The following RARB variants were observed in gnomAD, a reference collection of about 807,000 sequenced individuals.
RARB encodes the protein HBV-activated protein.
In RARB, 17 loss-of-function variants were observed where a neutral mutation model predicts 51.9. The ratio of observed to expected loss-of-function variants is 0.33; its 90% CI spans 0.22 to 0.49. The LOEUF is 0.49. Among genes scored for constraint, RARB ranks in the 20% least tolerant of loss-of-function variants. RARB has a pLI of 0.99. For missense variants in RARB, 369 were observed against 550.8 expected (o/e 0.67, Z 3.30); for synonymous variants, 215 against 195.4 (o/e 1.10, Z -0.84).
chr3:25,199,691 C>T (rs931362352), intron 5 of RARB, among the ~76,000 whole-genome samples: 1 of 152,044 alleles, frequency 6.6e-6, no homozygotes, highest in African/African-American at 2.4e-5. Context: ...TGAGAACATG[C>T]AGTGTTTGGT....
In RARB at chr3:24,931,840, A is replaced by G. The variant is rs530980869; in HGVS notation, c.-380+73088A>G. Among the ~76,000 whole-genome samples, 10 of 152,202 alleles carry G rather than the reference A, an allele frequency of 6.6e-5. No homozygotes were observed. The South Asian group carries it at 1.2e-3, about 19-fold the overall frequency. Reference sequence around the variant, plus strand: ...GGGCTCAACAAGATTTTGTAGAATGAGAGTTAGGTAGTTATTTGTGTTCAC... The same window carrying G: ...GGGCTCAACAAGATTTTGTAGAATGGGAGTTAGGTAGTTATTTGTGTTCAC... On this transcript the variant is annotated intron_variant, in intron 2 of 11. Transcript: ENST00000383772.
intron 2 of RARB, among the ~76,000 whole-genome samples, chr3:25,048,713 A>T (rs1698265429): frequency 6.6e-6 from 1 of 151,692 alleles, no homozygotes; most frequent in Non-Finnish European, 1.5e-5. Flanking sequence ...TTAGGGGATT[A>T]AAAACGGCAT....
intron 1 of RARB, among the ~76,000 whole-genome samples, chr3:25,451,187 T>C (rs1023177985): frequency 1.3e-5 from 2 of 152,166 alleles, no homozygotes; most frequent in African/African-American, 4.8e-5. Context: ...GAGGTGAAGG[T>C]TGGCTATCAT....
chr3:25,363,176 A>G (rs149998416), intron 5 of RARB, among the ~76,000 whole-genome samples: 347 of 152,268 alleles, frequency 2.3e-3, no homozygotes, highest in Admixed American at 3.9e-3. Flanking sequence ...ACAGAAAACT[A>G]TAGTACAAAG....
At chr3:24,959,317 C>T (rs1267911140) in intron 2 of RARB, among the ~76,000 whole-genome samples, 5 of 152,012 alleles carry the variant, frequency 3.3e-5, no homozygotes, top group Non-Finnish European at 5.9e-5. Context: ...GATTTTATTG[C>T]CAATGGAAGT....
chr3:24,925,935 CTT>C (rs1695311502), intron 2 of RARB, among the ~76,000 whole-genome samples: 1 of 152,032 alleles, frequency 6.6e-6, no homozygotes, highest in Admixed American at 6.6e-5. Context: ...TTTACAGTGA[CTT>C]ATCCTTTGAA....
At chr3:25,398,242 CTA>C (rs1297397768) in intron 5 of RARB, among the ~76,000 whole-genome samples, 1 of 152,096 alleles carries the variant, frequency 6.6e-6, no homozygotes, top group Non-Finnish European at 1.5e-5. Context: ...CTCCTGAACT[CTA>C]GGCCACGGTT....
intron 5 of RARB, among the ~76,000 whole-genome samples, chr3:25,320,077 C>T (rs17016185): frequency 0.039 from 5,808 of 148,102 alleles, 156 homozygotes; most frequent in Middle Eastern, 0.064. Flanking sequence ...TCTTTTGATG[C>T]ATCAGTCTAG....
chr3:25,095,757 A>G (rs1019268113), intron 3 of RARB, among the ~76,000 whole-genome samples: 28 of 152,230 alleles, frequency 1.8e-4, no homozygotes, highest in African/African-American at 6.3e-4. Flanking sequence ...CAAAAGGAAA[A>G]ATGGGCCTCT....
rs532699867 is a variant in RARB at position 25,569,191 on chromosome 3, G to A, written c.449-567G>A. On this transcript the variant is annotated intron_variant, in intron 3 of 7. Transcript: ENST00000330688. The stretch of plus-strand genomic sequence containing the variant: ...TTTTATATTCCAAAACAGATAATAT[G>A]GTTCATACAGAAAGTTTAGAAAGCA... Among the ~76,000 whole-genome samples, 4 of 152,304 alleles carry A rather than the reference G, an allele frequency of 2.6e-5. No homozygotes were observed. The South Asian group carries it at 8.3e-4, about 32-fold the overall frequency.
At chr3:24,838,598 A>T (rs1702376305) in intron 1 of RARB, among the ~76,000 whole-genome samples, 1 of 152,250 alleles carries the variant, frequency 6.6e-6, no homozygotes, top group Admixed American at 6.5e-5. Flanking sequence ...ACTGCAGAGT[A>T]AAGATAGCCA....
At chr3:25,186,904 T>TGTGTGA in intron 5 of RARB, among the ~76,000 whole-genome samples, 1 of 148,620 alleles carries the variant, frequency 6.7e-6, no homozygotes, top group Middle Eastern at 3.4e-3. Context: ...TGTGTGTGTG[T>TGTGTGA]GTGTGTGTGT....
chr3:25,045,096 A>C (rs1188610085), intron 2 of RARB, among the ~76,000 whole-genome samples: 3 of 152,218 alleles, frequency 2.0e-5, no homozygotes, highest in Non-Finnish European at 4.4e-5. Flanking sequence ...AGGAGGTTTG[A>C]GAGGAGCGGA....
At chr3:25,189,510 A>G (rs1701048884) in intron 5 of RARB, among the ~76,000 whole-genome samples, 1 of 152,136 alleles carries the variant, frequency 6.6e-6, no homozygotes, top group South Asian at 2.1e-4. Flanking sequence ...TCACAGAATC[A>G]TTTTGAATCA....
At chr3:24,829,805 C>G (rs4254610) in intron 1 of RARB, among the ~76,000 whole-genome samples, 125,170 of 152,210 alleles carry the variant, frequency 0.82, 51,598 homozygotes, top group South Asian at 0.91. Context: ...GGATCCGCCC[C>G]GGCTCCCTTC....
chr3:25,454,154 T>A (rs866623283), intron 1 of RARB, among the ~76,000 whole-genome samples: 7 of 152,176 alleles, frequency 4.6e-5, no homozygotes, highest in Non-Finnish European at 1.5e-5. Flanking sequence ...TACTAAAATG[T>A]CTACACACGA....
intron 3 of RARB, among the ~76,000 whole-genome samples, chr3:25,102,556 A>G (rs1287634910): frequency 6.6e-6 from 1 of 152,086 alleles, no homozygotes; most frequent in East Asian, 1.9e-4. Flanking sequence ...AAATGAAAAT[A>G]GAAATAAATA....
chr3:24,940,418 AAATT>A (rs1386213174), intron 2 of RARB, among the ~76,000 whole-genome samples: 1 of 149,018 alleles, frequency 6.7e-6, no homozygotes, highest in African/African-American at 2.5e-5. Flanking sequence ...TTAAAGATAA[AAATT>A]AATTCTATTT....
intron 3 of RARB, among the ~76,000 whole-genome samples, chr3:25,518,150 A>C (rs1698253306): frequency 6.6e-6 from 1 of 152,220 alleles, no homozygotes; most frequent in East Asian, 1.9e-4. Context: ...TAATTTTAAA[A>C]AACCGATGAT....
Sources: gnomAD v4.1 joint callset for allele counts (sites outside exome capture counted in the v4.1 genomes callset) on GRCh38, gnomAD v4.1.1 for gene constraint, MANE v1.5 for transcripts, NCBI Gene and HGNC (gene_info 2026-07-23, HGNC 2026-07-21) for gene names.